The following FSTL5 variants were observed in gnomAD, a reference collection of about 807,000 sequenced individuals.
FSTL5 encodes follistatin like 5, also known as follistatin-related protein 5.
FSTL5 carries 62 observed loss-of-function variants against 89.1 expected under a neutral mutation model. That is an observed-to-expected ratio of 0.70 (90% confidence interval 0.57 to 0.86). FSTL5 has a LOEUF of 0.86. Ranked by LOEUF, FSTL5 falls within the 40% of genes least tolerant of loss-of-function variation. The probability of loss-of-function intolerance (pLI) is 0.00; values close to 1 mark genes in which losing one functional copy is unlikely to be tolerated. For synonymous variants in FSTL5, 383 were observed against 346.2 expected, an observed-to-expected ratio of 1.11 and a Z score of -1.18; for missense variants, 1,057 against 1,001.6, an observed-to-expected ratio of 1.06 and a Z score of -0.75.
In FSTL5 at chr4:161,939,655, C is replaced by A. The variant is rs1399050341; in HGVS notation, c.161-19003G>T. Reference sequence around the variant, plus strand: ...TTTGTTACAAAAGGGAAAAGTACAGCAATTCTTATTACCAATTCAGACAAT... The same window carrying A: ...TTTGTTACAAAAGGGAAAAGTACAGAAATTCTTATTACCAATTCAGACAAT... On this transcript the variant is annotated intron_variant, in intron 3 of 15. Transcript: ENST00000306100. 2.0e-5 allele frequency among the ~76,000 whole-genome samples: 3 copies of A among 151,844 alleles called. No homozygotes were observed. In the East Asian group the frequency reaches 5.8e-4, roughly 29 times the overall value.
At chr4:161,724,942 C>T (rs559204501) in intron 6 of FSTL5, among the ~76,000 whole-genome samples, 3 of 152,300 alleles carry the variant, frequency 2.0e-5, no homozygotes, top group Admixed American at 2.0e-4. Context: ...CGCCTGTAAT[C>T]TCAGCACTTT....
intron 6 of FSTL5, among the ~76,000 whole-genome samples, chr4:161,700,257 C>T (rs1449837129): frequency 6.6e-6 from 1 of 151,956 alleles, no homozygotes; most frequent in Non-Finnish European, 1.5e-5. Flanking sequence ...AGTATCTTGC[C>T]CAGAGTCACA....
chr4:161,445,058 T>G (rs1732901335), intron 15 of FSTL5, among the ~76,000 whole-genome samples: 1 of 151,982 alleles, frequency 6.6e-6, no homozygotes, highest in Non-Finnish European at 1.5e-5. Context: ...AATCTACAAT[T>G]GAGCAATACA....
intron 1 of FSTL5, among the ~76,000 whole-genome samples, chr4:162,112,775 TCACACA>T (rs71598742): frequency 0.012 from 1,665 of 139,342 alleles, 14 homozygotes; most frequent in Middle Eastern, 0.026. Flanking sequence ...ACCGACACAA[TCACACA>T]CACACACACA....
intron 15 of FSTL5, among the ~76,000 whole-genome samples, chr4:161,410,999 T>C (rs1302106160): frequency 1.8e-5 from 2 of 108,912 alleles, no homozygotes; most frequent in South Asian, 6.7e-4. Context: ...CAATCAGAAA[T>C]GACAAAGATG....
chr4:161,432,996 A>C (rs978339279), intron 15 of FSTL5, among the ~76,000 whole-genome samples: 10 of 151,978 alleles, frequency 6.6e-5, no homozygotes, highest in African/African-American at 1.2e-4. Context: ...AATTTTACCA[A>C]ACATTGAAAG....
chr4:162,089,549 C>G (rs10002246), intron 2 of FSTL5, among the ~76,000 whole-genome samples: 52,566 of 148,694 alleles, frequency 0.35, 9,962 homozygotes, highest in East Asian at 0.46. Context: ...AGGAGAATCA[C>G]CTGAACCCTG....
chr4:162,067,185 A>G (rs1738948873), intron 2 of FSTL5, among the ~76,000 whole-genome samples: 1 of 152,040 alleles, frequency 6.6e-6, no homozygotes, highest in South Asian at 2.1e-4. Flanking sequence ...CTGGGCCTAC[A>G]GGTGACTACA....
At chr4:161,388,855 C>T (rs567477510) in intron 15 of FSTL5, among the ~76,000 whole-genome samples, 19 of 152,020 alleles carry the variant, frequency 1.2e-4, no homozygotes, top group Non-Finnish European at 2.8e-4. Context: ...ACAATTTTAA[C>T]TTTGATACTA....
intron 2 of FSTL5, among the ~76,000 whole-genome samples, chr4:162,087,894 C>T (rs1429455276): frequency 1.3e-5 from 2 of 151,984 alleles, no homozygotes; most frequent in East Asian, 1.9e-4. Flanking sequence ...ATTTTGAGTA[C>T]AAAAAATAAA....
chr4:161,404,057 C>CA (rs1731276347), intron 15 of FSTL5, among the ~76,000 whole-genome samples: 1 of 152,132 alleles, frequency 6.6e-6, no homozygotes, highest in African/African-American at 2.4e-5. Context: ...TCAGAGTTCA[C>CA]AGAGTGGAAT....
intron 1 of FSTL5, among the ~76,000 whole-genome samples, chr4:162,128,312 C>T (rs543462197): frequency 6.6e-6 from 1 of 152,292 alleles, no homozygotes; most frequent in East Asian, 1.9e-4. Context: ...CTGAATGTTT[C>T]TGTCTCACGC....
intron 4 of FSTL5, among the ~76,000 whole-genome samples, chr4:161,812,965 C>A (rs1435835362): frequency 7.3e-6 from 1 of 136,616 alleles, no homozygotes; most frequent in East Asian, 2.3e-4. Context: ...TCACTGATAA[C>A]ATGTACATAA....
chr4:161,396,582 A>G (rs1415164580), intron 15 of FSTL5, among the ~76,000 whole-genome samples: 1 of 151,376 alleles, frequency 6.6e-6, no homozygotes, highest in African/African-American at 2.4e-5. Flanking sequence ...TGAACCTGGG[A>G]GGCAGAGGTT....
chr4:161,636,710 G>C (rs193224232), intron 7 of FSTL5, among the ~76,000 whole-genome samples: 2,085 of 148,220 alleles, frequency 0.014, 52 homozygotes, highest in African/African-American at 0.049. Context: ...AGAATATGCC[G>C]TGTTTGGTTT....
intron 4 of FSTL5, among the ~76,000 whole-genome samples, chr4:161,801,771 G>A (rs2126830041): frequency 6.6e-6 from 1 of 151,516 alleles, no homozygotes; most frequent in South Asian, 2.1e-4. Flanking sequence ...TCTCTACATA[G>A]TAGGCATTCT....
chr4:161,651,776 G>A (rs1012554091), intron 7 of FSTL5, among the ~76,000 whole-genome samples: 2 of 152,166 alleles, frequency 1.3e-5, no homozygotes, highest in Admixed American at 1.3e-4. Flanking sequence ...AGATTAATTG[G>A]AATCCAGATG....
chr4:161,809,017 G>T (rs1292144689), intron 4 of FSTL5, among the ~76,000 whole-genome samples: 1 of 152,162 alleles, frequency 6.6e-6, no homozygotes, highest in Non-Finnish European at 1.5e-5. Flanking sequence ...AGAAGATCGA[G>T]ACCATCCTGG....
chr4:161,421,614 G>C (rs1167975970), intron 15 of FSTL5, among the ~76,000 whole-genome samples: 1 of 152,144 alleles, frequency 6.6e-6, no homozygotes, highest in Non-Finnish European at 1.5e-5. Context: ...ATAGCTGATT[G>C]AATATTATTT....
Sources: allele counts gnomAD v4.1 joint callset (sites outside exome capture counted in the v4.1 genomes callset), GRCh38; gene constraint gnomAD v4.1.1; transcripts MANE v1.5; gene names NCBI Gene and HGNC (gene_info 2026-07-23, HGNC 2026-07-21).